STAT5B: variants seen among roughly 807,000 people sequenced by gnomAD.
STAT5B encodes the protein transcription factor STAT5B.
In STAT5B, 21 loss-of-function variants were observed where a neutral mutation model predicts 107.8. The ratio of observed to expected loss-of-function variants is 0.19; its 90% CI spans 0.14 to 0.28. The LOEUF (loss-of-function observed/expected upper bound fraction) is 0.28. Among genes scored for constraint, STAT5B ranks in the 10% least tolerant of loss-of-function variants. The probability of loss-of-function intolerance (pLI) is 1.00; values close to 1 mark genes in which losing one functional copy is unlikely to be tolerated. For missense variants in STAT5B, 565 were observed against 1,008.2 expected (o/e 0.56, Z 5.95); for synonymous variants, 325 against 401.7 (o/e 0.81, Z 2.28).
At chr17:42,224,628 T>TGAGC in intron 4 of STAT5B, 151 bp downstream of exon 4, 1 of 799,084 alleles carries the variant, frequency 1.3e-6, no homozygotes, top group Non-Finnish European at 2.1e-6. Context: ...CTCAGTCAAG[T>TGAGC]CTCCTATTTC....
intron 1 of STAT5B, chr17:42,269,847 A>G (rs1262823091): frequency 6.6e-6 from 1 of 152,152 alleles, no homozygotes; most frequent in Non-Finnish European, 1.5e-5. Flanking sequence ...AAAAAAAAAA[A>G]AATCTGAGAC....
chr17:42,280,104 A>T (rs547627742), upstream of STAT5B, among the ~76,000 whole-genome samples: 30 of 152,224 alleles, frequency 2.0e-4, no homozygotes, highest in South Asian at 4.8e-3. Context: ...TTAAGACATG[A>T]CAGAAAGAAA....
At chr17:42,233,305 C>T (rs1019551711) in intron 1 of STAT5B, among the ~76,000 whole-genome samples, 2 of 152,142 alleles carry the variant, frequency 1.3e-5, no homozygotes, top group Admixed American at 1.3e-4. Flanking sequence ...CAATGCTTTG[C>T]ACACAAAGAG....
At chr17:42,286,886 T>C in the STAT5B span, among the ~76,000 whole-genome samples, 1 of 152,316 alleles carries the variant, frequency 6.6e-6, no homozygotes, top group East Asian at 1.9e-4. Flanking sequence ...GTTTTTCCAC[T>C]TGTAAAATCA....
In STAT5B at chr17:42,203,533, A is replaced by T. The variant is rs554058951; in HGVS notation, c.2078-725T>A. Among the ~76,000 whole-genome samples, 341 of 152,344 alleles carry T rather than the reference A, an allele frequency of 2.2e-3. 4 individuals are homozygous for T. The highest frequency in any genetic ancestry group is 3.0e-3 in the Non-Finnish European group (201 of 68,026). ...GGAGGGGCAGGTCATAAGAGGACAAATGTTCAGTCATGCAGGGAAGAATGT... is the reference window on the plus strand; with the variant it reads ...GGAGGGGCAGGTCATAAGAGGACAATTGTTCAGTCATGCAGGGAAGAATGT... On this transcript the variant is annotated intron_variant, in intron 16 of 18. Transcript: ENST00000293328.
intron 1 of STAT5B, among the ~76,000 whole-genome samples, chr17:42,236,722 C>G (rs1319737152): frequency 2.0e-5 from 3 of 152,204 alleles, no homozygotes; most frequent in Non-Finnish European, 4.4e-5. Context: ...CAGGCGTGAG[C>G]CAGCGTGCCT....
chr17:42,202,459 A>G lies in STAT5B; in HGVS notation c.2130-12T>C, dbSNP rs1391919105. The G allele has an allele frequency of 4.3e-6, 7 of 1,613,494 alleles. No individual in the cohort carries two copies. Among genetic ancestry groups the G allele is most frequent in the Non-Finnish European group, 5.9e-6 (7 of 1,179,922 alleles). Reference sequence around the variant, plus strand: ...ATGCGTTCACAAACCTGCAGAAGGAAGAGAACAGAGCTTCAGCTGCCAGGG... The same window carrying G: ...ATGCGTTCACAAACCTGCAGAAGGAGGAGAACAGAGCTTCAGCTGCCAGGG... On this transcript the variant is annotated splice_polypyrimidine_tract_variant and intron_variant, in intron 17 of 18. Transcript: ENST00000293328.
upstream of STAT5B, among the ~76,000 whole-genome samples, chr17:42,280,956 A>AACCCTG (rs2080792884): frequency 6.6e-6 from 1 of 151,998 alleles, no homozygotes; most frequent in Admixed American, 6.6e-5. Context: ...AACACGGTGA[A>AACCCTG]ACCCTGACTC....
At chr17:42,214,401 G>C in intron 12 of STAT5B, 1 of 984,478 alleles carries the variant, frequency 1.0e-6, no homozygotes, top group Non-Finnish European at 1.2e-6. Context: ...GAGTTTGTAA[G>C]TGAAGTATGG....
At chr17:42,283,551 C>T in the STAT5B span, among the ~76,000 whole-genome samples, 1 of 152,234 alleles carries the variant, frequency 6.6e-6, no homozygotes, top group South Asian at 2.1e-4. Flanking sequence ...TCCCCTCATG[C>T]TATTCCCAGA....
chr17:42,280,748 G>A (rs923141488), upstream of STAT5B, among the ~76,000 whole-genome samples: 1 of 152,164 alleles, frequency 6.6e-6, no homozygotes, highest in Non-Finnish European at 1.5e-5. Flanking sequence ...GGGCTCTGCA[G>A]TTTCGGAGGG....
In STAT5B at chr17:42,227,592, G is replaced by C; in HGVS notation, c.222C>G (p.His74Gln). 6.2e-7 allele frequency: 1 copy of C among 1,613,774 alleles called. No individual in the cohort carries two copies. The highest frequency in any genetic ancestry group is 8.5e-7 in the Non-Finnish European group (1 of 1,179,936). Residue 74 changes from histidine to glutamine, a missense_variant, in exon 3 of 19, where the codon CAC becomes CAG. His to Gln is a conservative substitution (Grantham distance 24). Transcript: ENST00000293328. The part of the protein sequence containing the change: ...LVQELQKKAE[H>Q]QVGEDGFLLK... ...GTAAAAACCCATCTTCCCCCACCTG[G>C]TGCTCTGCCTTCTTCTGCAGCTCCT...
intron 7 of STAT5B, among the ~76,000 whole-genome samples, chr17:42,219,081 C>G (rs956707987): frequency 6.6e-6 from 1 of 152,186 alleles, no homozygotes; most frequent in Non-Finnish European, 1.5e-5. Flanking sequence ...ACAGCCCAAG[C>G]ATCACCCCAC....
chr17:42,263,022 A>AAAC (rs1567677451), intron 1 of STAT5B, among the ~76,000 whole-genome samples: 1 of 55,320 alleles, frequency 1.8e-5, no homozygotes, highest in African/African-American at 5.9e-5. Context: ...ATATAAAAAA[A>AAAC]CAAAAACAAT....
chr17:42,285,592 A>C, the STAT5B span, among the ~76,000 whole-genome samples: 6 of 152,322 alleles, frequency 3.9e-5, no homozygotes, highest in South Asian at 1.2e-3. Context: ...CTGGTTCCCC[A>C]AAATCACCAG....
chr17:42,226,444 A>G (rs1363314305), intron 3 of STAT5B, among the ~76,000 whole-genome samples: 1 of 152,194 alleles, frequency 6.6e-6, no homozygotes, highest in African/African-American at 2.4e-5. Flanking sequence ...TAAAAGTATT[A>G]TATCAATGCT....
At chr17:42,203,907 G>A (rs1367172980) in intron 16 of STAT5B, among the ~76,000 whole-genome samples, 1 of 152,040 alleles carries the variant, frequency 6.6e-6, no homozygotes, top group African/African-American at 2.4e-5. Context: ...GATTACAGGT[G>A]TGAGCCACGG....
chr17:42,220,906 C>T (rs2080220295), intron 5 of STAT5B, among the ~76,000 whole-genome samples: 3 of 151,684 alleles, frequency 2.0e-5, no homozygotes, highest in Admixed American at 1.3e-4. Flanking sequence ...CACCGCAGGC[C>T]CACCCCACCC....
At chr17:42,259,945 T>C (rs964301500) in intron 1 of STAT5B, among the ~76,000 whole-genome samples, 5 of 152,146 alleles carry the variant, frequency 3.3e-5, no homozygotes, top group Non-Finnish European at 7.4e-5. Context: ...GGTGGTTTGC[T>C]GCACCAAGCG....
Sources: allele counts gnomAD v4.1 joint callset (sites outside exome capture counted in the v4.1 genomes callset), GRCh38; gene constraint gnomAD v4.1.1; transcripts MANE v1.5; gene names NCBI Gene and HGNC (gene_info 2026-07-23, HGNC 2026-07-21).